The following CASS4 variants were observed in gnomAD, a reference collection of about 807,000 sequenced individuals.
CASS4 encodes the protein cas scaffolding protein family member 4.
A neutral mutation model predicts 54.2 loss-of-function variants in CASS4; 22 were observed. The ratio of observed to expected loss-of-function variants is 0.41; its 90% CI spans 0.29 to 0.58. The LOEUF is 0.58. Ranked by LOEUF, CASS4 falls within the 20% of genes least tolerant of loss-of-function variation. The pLI is 0.36. For synonymous variants in CASS4, 409 were observed against 391.5 expected (o/e 1.04, Z -0.53); for missense variants, 854 against 986.7 (o/e 0.87, Z 1.80).
At chr20:56,432,355 CTTTTTTTTTT>C (rs922336949) in intron 1 of CASS4, among the ~76,000 whole-genome samples, 43 of 101,078 alleles carry the variant, frequency 4.3e-4, no homozygotes, top group African/African-American at 1.4e-3. Context: ...TTCATAAGTC[CTTTTTTTTTT>C]TTTTTTTTTT....
intron 1 of CASS4, among the ~76,000 whole-genome samples, chr20:56,419,547 C>T (rs1460099443): frequency 2.0e-5 from 3 of 152,110 alleles, no homozygotes; most frequent in African/African-American, 7.2e-5. Flanking sequence ...CCACCTCAGC[C>T]TCCCAAGTAG....
chr20:56,448,171 A>C (rs2146291866), intron 3 of CASS4, among the ~76,000 whole-genome samples: 1 of 151,960 alleles, frequency 6.6e-6, no homozygotes, highest in South Asian at 2.1e-4. Context: ...GTTATCAATG[A>C]AGACACACTT....
chr20:56,415,005 G>A (rs1979061608), intron 1 of CASS4, among the ~76,000 whole-genome samples: 1 of 152,114 alleles, frequency 6.6e-6, no homozygotes, highest in South Asian at 2.1e-4. Context: ...CCCTGTCACA[G>A]ACGAGGAAAC....
chr20:56,441,817 A>G (rs1262019954), intron 2 of CASS4, among the ~76,000 whole-genome samples: 1 of 152,088 alleles, frequency 6.6e-6, no homozygotes, highest in Non-Finnish European at 1.5e-5. Flanking sequence ...CATCTTTTCT[A>G]AAGTCACCTT....
intron 3 of CASS4, among the ~76,000 whole-genome samples, chr20:56,449,772 TA>T (rs1177442952): frequency 6.6e-6 from 1 of 152,158 alleles, no homozygotes; most frequent in Non-Finnish European, 1.5e-5. Flanking sequence ...ACCCTGTTTT[TA>T]TTGCTGTCGT....
rs1337187814 is a variant in CASS4 at position 56,446,019 on chromosome 20, G to C, written c.561+18G>C. The C allele has an allele frequency of 6.4e-7, 1 of 1,558,512 alleles. No homozygotes were observed. ...TCCTGAAGGTGAGCCTTGTTCAGGG[G>C]CCCCTCATCACCCAGACCTCTGCGC... is the stretch of plus-strand genomic sequence containing the variant. On this transcript the variant is annotated intron_variant, in intron 3 of 5. Transcript: ENST00000679887.
chr20:56,430,630 T>C lies in CASS4; in HGVS notation c.37-6534T>C, dbSNP rs994580690. Among the ~76,000 whole-genome samples the C allele has an allele frequency of 1.3e-5, 2 of 152,170 alleles. No homozygotes were observed. Among genetic ancestry groups the C allele is most frequent in the African/African-American group, 2.4e-5 (1 of 41,438 alleles). On this transcript the variant is annotated intron_variant, in intron 1 of 5. Transcript: ENST00000679887. The surrounding 1 kb of genome is among the most constrained non-coding windows in gnomAD (Gnocchi z 4.2). ...AGAGCTCAGTGCAGCGCCAGGAACA[T>C]GGGTGCAGGATGAGTGCTGGCTGCT...
rs777597630 is a variant in CASS4 at position 56,453,030 on chromosome 20, A to G, written c.1854A>G (p.Glu618=). The G allele has an allele frequency of 7.4e-6, 12 of 1,614,030 alleles. No individual in the cohort carries two copies. The highest frequency in any genetic ancestry group is 1.0e-5 in the Non-Finnish European group (12 of 1,180,036). ...AATACATCCAGCCTCCCCAAAGAGA[A>G]ACTGAATCACACCAAAAGAGTACCC... is the stretch of plus-strand genomic sequence containing the variant. The part of the protein sequence containing the change: ...CEKYIQPPQR[E]TESHQKSTPS... Residue 618 remains glutamate (E), a synonymous_variant, in exon 5 of 6, where the codon GAA becomes GAG. Coordinates refer to ENST00000679887, the MANE Select transcript of CASS4 (RefSeq NM_020356.4).
At position 56,430,702 on chromosome 20, in the gene CASS4, C is replaced by T. The variant is rs1014304256; in HGVS notation, c.37-6462C>T. Reference sequence around the variant, plus strand: ...CCCTGCACGCCCAGCCTGACCATAACAGCCTGAGCCCAGCCAAAAGTGGGG... The same window carrying T: ...CCCTGCACGCCCAGCCTGACCATAATAGCCTGAGCCCAGCCAAAAGTGGGG... On this transcript the variant is annotated intron_variant, in intron 1 of 5. Transcript: ENST00000679887. The surrounding 1 kb of genome is among the most constrained non-coding windows in gnomAD (Gnocchi z 4.2). Among the ~76,000 whole-genome samples, 19 of 152,208 alleles carry T rather than the reference C, an allele frequency of 1.2e-4. No individual in the cohort carries two copies. Among genetic ancestry groups the T allele is most frequent in the Non-Finnish European group, 2.6e-4 (18 of 68,032 alleles).
intron 1 of CASS4, among the ~76,000 whole-genome samples, chr20:56,419,285 C>T (rs1979299068): frequency 6.6e-6 from 1 of 152,138 alleles, no homozygotes; most frequent in African/African-American, 2.4e-5. Flanking sequence ...TTTTTAGGAA[C>T]CATTTCCAAA....
chr20:56,436,838 G>A (rs1173988070), intron 1 of CASS4, among the ~76,000 whole-genome samples: 3 of 152,216 alleles, frequency 2.0e-5, no homozygotes, highest in East Asian at 3.9e-4. Flanking sequence ...AGTGAGCCAA[G>A]ATTTCACCGC....
At chr20:56,448,113 G>T (rs1010454953) in intron 3 of CASS4, among the ~76,000 whole-genome samples, 2 of 148,074 alleles carry the variant, frequency 1.4e-5, no homozygotes, top group African/African-American at 2.5e-5. Context: ...CTGCACTCCA[G>T]CCTGGGAGAC....
intron 1 of CASS4, among the ~76,000 whole-genome samples, chr20:56,413,093 C>T (rs532953288): frequency 9.9e-5 from 15 of 151,308 alleles, no homozygotes; most frequent in Non-Finnish European, 1.6e-4. Flanking sequence ...CTCCAGCTAC[C>T]GGAGAGGCTG....
chr20:56,437,350 G>T lies in CASS4; in HGVS notation c.223G>T (p.Ala75Ser). The T allele has an allele frequency of 6.2e-7, 1 of 1,614,032 alleles. No individual in the cohort carries two copies. The highest frequency in any genetic ancestry group is 1.7e-5 in the Admixed American group (1 of 60,014). Residue 75 changes from alanine to serine, a missense_variant, in exon 2 of 6, where the codon GCT becomes TCT. By Grantham distance (99) the Ala-to-Ser change is moderately conservative. Transcript: ENST00000679887. The surrounding 1 kb of genome is among the most constrained non-coding windows in gnomAD (Gnocchi z 4.7). ...ANRLQILTEV[A>S]ADRPCPPFLR... ...CCGCCTCCAAATCCTCACGGAGGTC[G>T]CTGCAGACAGGCCGTGCCCCCCATT... is the stretch of plus-strand genomic sequence containing the variant.
chr20:56,421,794 CCTT>C (rs1055938824), intron 1 of CASS4, among the ~76,000 whole-genome samples: 29 of 152,124 alleles, frequency 1.9e-4, no homozygotes, highest in Admixed American at 6.6e-5. Context: ...ACACAAAACT[CCTT>C]CTTTCTTTAT....
In CASS4 at chr20:56,412,646, T is replaced by C. The variant is rs1310110096; in HGVS notation, c.36+152T>C. On this transcript the variant is annotated intron_variant, in intron 1 of 5. Coordinates refer to ENST00000679887, the MANE Select transcript of CASS4 (RefSeq NM_020356.4). This position sits in a 1 kb window ranked among gnomAD's most constrained non-coding sequence, Gnocchi z 4.2. The stretch of plus-strand genomic sequence containing the variant: ...TGGGAAAGTTTAACATAAGTTTAAG[T>C]GTGGGAAATAGATGTGTTGTAAAGC... The C allele has an allele frequency of 1.3e-6, 1 of 791,172 alleles. No individual in the cohort carries two copies. Among genetic ancestry groups the C allele is most frequent in the African/African-American group, 1.7e-5 (1 of 57,414 alleles). 49.0% of individuals were successfully genotyped at this position (791,172 alleles called of 1,614,324 possible). A position where few individuals can be genotyped will look rare whatever the true frequency, so the allele number is the denominator to read the frequency against.
intron 1 of CASS4, among the ~76,000 whole-genome samples, chr20:56,432,525 G>A (rs183305574): frequency 2.0e-5 from 3 of 151,762 alleles, no homozygotes; most frequent in Admixed American, 2.0e-4. Flanking sequence ...GCACCACCAC[G>A]CTGGACAATT....
chr20:56,458,598 A>G lies in CASS4; in HGVS notation c.2212A>G (p.Ser738Gly), dbSNP rs1981432977. The G allele has an allele frequency of 6.2e-7, 1 of 1,613,912 alleles. No individual in the cohort carries two copies. Among genetic ancestry groups the G allele is most frequent in the Admixed American group, 1.7e-5 (1 of 59,968 alleles). The change falls in exon 6 of 6, where the codon AGT becomes GGT. Residue 738 changes from serine (S) to glycine (G), a missense_variant. Coordinates refer to ENST00000679887, the MANE Select transcript of CASS4 (RefSeq NM_020356.4). ...DVRNEILRGS[S>G]HLCSLLKDVA... ...GCGCAACGAGATCCTCCGTGGCAGC[A>G]GTCACCTCTGCAGCCTGCTCAAGGA...
chr20:56,417,146 A>G (rs1404794835), intron 1 of CASS4, among the ~76,000 whole-genome samples: 44 of 152,242 alleles, frequency 2.9e-4, no homozygotes, highest in Non-Finnish European at 7.3e-5. Context: ...CTTCTGGGCA[A>G]GAAAGCCTGG....
Sources: gnomAD v4.1 joint callset for allele counts (sites outside exome capture counted in the v4.1 genomes callset) on GRCh38, gnomAD v4.1.1 for gene constraint, Gnocchi (gnomAD v3.1) non-coding constraint, MANE v1.5 for transcripts, NCBI Gene and HGNC (gene_info 2026-07-23, HGNC 2026-07-21) for gene names.